The following DPF3 variants were observed in gnomAD, a reference collection of about 807,000 sequenced individuals.
DPF3 encodes the protein double PHD fingers 3.
In DPF3, 18 loss-of-function variants were observed where a neutral mutation model predicts 56.8. The observed-to-expected ratio is 0.32, with a 90% CI of 0.22 to 0.47. The LOEUF (loss-of-function observed/expected upper bound fraction) is 0.47. DPF3 is among the 20% of genes least tolerant of loss of function. The pLI is 1.00. For synonymous variants in DPF3, 188 were observed against 180.2 expected (o/e 1.04, Z -0.35); for missense variants, 403 against 488.8 (o/e 0.82, Z 1.65).
intron 8 of DPF3, among the ~76,000 whole-genome samples, chr14:72,643,205 A>G (rs1462814042): frequency 6.6e-6 from 1 of 152,258 alleles, no homozygotes; most frequent in Admixed American, 6.5e-5. Flanking sequence ...GCTGCTAAAT[A>G]TAGCAACATT....
chr14:72,685,197 G>A (rs1372038485), intron 7 of DPF3, among the ~76,000 whole-genome samples: 1 of 152,180 alleles, frequency 6.6e-6, no homozygotes, highest in African/African-American at 2.4e-5. Context: ...TGGTCTTGAG[G>A]CAAAAGTTAA....
rs1323975061 is a variant in DPF3 at position 72,812,239 on chromosome 14, C to A, written c.33-40346G>T. 2.0e-5 allele frequency among the ~76,000 whole-genome samples: 3 copies of A among 152,122 alleles called. 1 individual carries two copies. The highest frequency in any genetic ancestry group is 7.2e-5 in the African/African-American group (3 of 41,426). On this transcript the variant is annotated intron_variant, in intron 1 of 10. Transcript: ENST00000556509. The stretch of plus-strand genomic sequence containing the variant: ...CCGCTTACCTTTTTCCCATCCCCAC[C>A]CCCGGCCCCCAGCCTCTCCCATCCC...
At chr14:72,641,228 G>A (rs1457227193) in intron 8 of DPF3, among the ~76,000 whole-genome samples, 2 of 152,226 alleles carry the variant, frequency 1.3e-5, no homozygotes, top group African/African-American at 2.4e-5. Context: ...CAGCAGCGCA[G>A]AGAGAAGAAC....
At chr14:72,752,611 C>T (rs906238784) in intron 3 of DPF3, among the ~76,000 whole-genome samples, 1 of 152,222 alleles carries the variant, frequency 6.6e-6, no homozygotes, top group South Asian at 2.1e-4. Flanking sequence ...TGCAGTGAGC[C>T]GAGATTGCAC....
chr14:72,765,462 C>T (rs562065170), intron 2 of DPF3, among the ~76,000 whole-genome samples: 1 of 152,278 alleles, frequency 6.6e-6, no homozygotes, highest in South Asian at 2.1e-4. Context: ...CACAAATGTT[C>T]ATAGTGGCTT....
chr14:72,786,069 C>G (rs1375761934), intron 1 of DPF3, among the ~76,000 whole-genome samples: 1 of 152,140 alleles, frequency 6.6e-6, no homozygotes, highest in Non-Finnish European at 1.5e-5. Flanking sequence ...CGAGACTAGC[C>G]TGGCCAACTT....
chr14:72,662,104 A>G (rs1434086746), intron 8 of DPF3: 1 of 985,004 alleles, frequency 1.0e-6, no homozygotes, highest in Non-Finnish European at 1.2e-6. Context: ...AAATCTTAAC[A>G]CACAATCATT....
At chr14:72,651,311 C>T (rs1406380902) in intron 8 of DPF3, among the ~76,000 whole-genome samples, 2 of 152,230 alleles carry the variant, frequency 1.3e-5, no homozygotes, top group Admixed American at 1.3e-4. Flanking sequence ...CAGCGACTGA[C>T]CCCTCCCTGA....
chr14:72,711,357 G>A (rs541349019), intron 6 of DPF3, among the ~76,000 whole-genome samples: 12 of 152,222 alleles, frequency 7.9e-5, no homozygotes, highest in Middle Eastern at 3.4e-3. Flanking sequence ...TCTGTTTATT[G>A]AGACTCAATG....
At position 72,871,936 on chromosome 14, in the gene DPF3, G is replaced by A. The variant is rs560050778; in HGVS notation, c.32+22121C>T. On this transcript the variant is annotated intron_variant, in intron 1 of 10. Transcript: ENST00000556509. ...TTCCCTTCTGCACTGCCCTAGCAGAGGTTCTCCCTGAGGGCCCCGCCCCTG... is the reference window on the plus strand; with the variant it reads ...TTCCCTTCTGCACTGCCCTAGCAGAAGTTCTCCCTGAGGGCCCCGCCCCTG... Among the ~76,000 whole-genome samples, 6 of 152,280 alleles carry A rather than the reference G, an allele frequency of 3.9e-5. No individual in the cohort carries two copies. In the South Asian group the frequency reaches 1.2e-3, roughly 32 times the overall value.
chr14:72,655,433 G>C (rs907045678), intron 8 of DPF3, among the ~76,000 whole-genome samples: 1 of 152,188 alleles, frequency 6.6e-6, no homozygotes, highest in African/African-American at 2.4e-5. Context: ...CAAGTCCTGT[G>C]AGCAATTATG....
chr14:72,861,775 G>GA (rs1202367273), intron 1 of DPF3, among the ~76,000 whole-genome samples: 1 of 147,662 alleles, frequency 6.8e-6, no homozygotes, highest in East Asian at 2.0e-4. Flanking sequence ...AAGAAAGAAA[G>GA]AAAGAAAGAA....
At chr14:72,783,937 T>C (rs1892100262) in intron 1 of DPF3, among the ~76,000 whole-genome samples, 1 of 152,090 alleles carries the variant, frequency 6.6e-6, no homozygotes, top group Non-Finnish European at 1.5e-5. Context: ...CAATGGGAAC[T>C]GAAGGTCATC....
At chr14:72,807,569 T>C (rs1882838996) in intron 1 of DPF3, among the ~76,000 whole-genome samples, 1 of 152,168 alleles carries the variant, frequency 6.6e-6, no homozygotes, top group African/African-American at 2.4e-5. Flanking sequence ...CTGGGTACAG[T>C]TGGCTCACGC....
intron 1 of DPF3, among the ~76,000 whole-genome samples, chr14:72,782,019 G>A (rs1891995471): frequency 1.3e-5 from 2 of 152,136 alleles, no homozygotes; most frequent in South Asian, 2.1e-4. Context: ...CTGGGCACTC[G>A]GATGTTGCCT....
intron 3 of DPF3, among the ~76,000 whole-genome samples, chr14:72,747,683 T>A (rs1440922468): frequency 1.3e-5 from 2 of 151,456 alleles, no homozygotes; most frequent in African/African-American, 4.9e-5. Flanking sequence ...CCCATCCAAA[T>A]CTCATCTTGT....
chr14:72,674,439 C>A, intron 7 of DPF3, 71 bp from the exon 8 acceptor site: 1 of 1,551,482 alleles, frequency 6.4e-7, no homozygotes, highest in Admixed American at 1.9e-5. Context: ...TCTCCTCCTA[C>A]AGTGTGGTAG....
chr14:72,830,527 T>C lies in DPF3; in HGVS notation c.33-58634A>G, dbSNP rs540235805. 5.9e-5 allele frequency among the ~76,000 whole-genome samples: 9 copies of C among 152,208 alleles called. No individual in the cohort carries two copies. The East Asian group carries it at 1.4e-3, about 23-fold the overall frequency. Reference sequence around the variant, plus strand: ...CATTCCCTGACCTTGAGCAAGGCACTGTTCCAAGCCTCCCTTTCCTCCCCT... The same window carrying C: ...CATTCCCTGACCTTGAGCAAGGCACCGTTCCAAGCCTCCCTTTCCTCCCCT... On this transcript the variant is annotated intron_variant, in intron 1 of 10. Coordinates refer to ENST00000556509, the MANE Select transcript of DPF3 (RefSeq NM_001280542.3).
intron 1 of DPF3, among the ~76,000 whole-genome samples, chr14:72,828,153 T>A (rs557748138): frequency 6.6e-6 from 1 of 152,332 alleles, no homozygotes; most frequent in East Asian, 1.9e-4. Flanking sequence ...ATTTCCACTT[T>A]AAATTTTCCC....
Sources: gnomAD v4.1 joint callset for allele counts (sites outside exome capture counted in the v4.1 genomes callset) on GRCh38, gnomAD v4.1.1 for gene constraint, MANE v1.5 for transcripts, NCBI Gene and HGNC (gene_info 2026-07-23, HGNC 2026-07-21) for gene names.